Variants in MYT1L observed in about 807,000 individuals in gnomAD.
MYT1L encodes the protein myelin transcription factor 1 like.
In MYT1L, 12 loss-of-function variants were observed where a neutral mutation model predicts 126.7. That is an observed-to-expected ratio of 0.09 (90% CI 0.06 to 0.15). The LOEUF (loss-of-function observed/expected upper bound fraction) is 0.15. Among genes scored for constraint, MYT1L ranks in the 10% least tolerant of loss-of-function variants. The probability of loss-of-function intolerance (pLI) is 1.00; values close to 1 mark genes in which losing one functional copy is unlikely to be tolerated. For missense variants in MYT1L, 979 were observed against 1,585.2 expected, an observed-to-expected ratio of 0.62 and a Z score of 6.49; for synonymous variants, 541 against 604.2, an observed-to-expected ratio of 0.90 and a Z score of 1.53.
chr2:2,209,218 G>A (rs927957554), intron 2 of MYT1L, among the ~76,000 whole-genome samples: 5 of 152,190 alleles, frequency 3.3e-5, no homozygotes, highest in South Asian at 4.1e-4. Context: ...GGTCTCCATC[G>A]CCTCAAGCAT....
chr2:1,806,302 T>A lies in MYT1L; in HGVS notation c.3172+2774A>T, dbSNP rs1413583921. On this transcript the variant is annotated intron_variant, in intron 22 of 24. Coordinates refer to ENST00000647738, the MANE Select transcript of MYT1L (RefSeq NM_001303052.2). The surrounding 1 kb of genome is among the most constrained non-coding windows in gnomAD (Gnocchi z 4.9). ...CCAGTGACCTGCAGCTCCTCTTTTT[T>A]ACCCATGGACGTGCGTGCATTAGGA... 6.6e-6 allele frequency among the ~76,000 whole-genome samples: 1 copy of A among 152,210 alleles called. No homozygotes were observed. The highest frequency in any genetic ancestry group is 1.5e-5 in the Non-Finnish European group (1 of 68,036).
At chr2:2,270,940 G>A (rs1445239261) in intron 2 of MYT1L, among the ~76,000 whole-genome samples, 1 of 152,032 alleles carries the variant, frequency 6.6e-6, no homozygotes, top group Non-Finnish European at 1.5e-5. Context: ...TCATGTTGTC[G>A]AGTTTATTAT....
rs913208512 is a variant in MYT1L at position 1,792,408 on chromosome 2, C to T, written c.3333G>A (p.Glu1111=). ...CGTGGAGGAGAGACTCGTTCTGCTG[C>T]TCAATCACTTTGTTCTCCTCTTCGA... The part of the protein sequence containing the change: ...KTIEEENKVI[E]QQNESLLHEL... The change falls in exon 24 of 25, where the codon GAG becomes GAA. Residue 1111 remains glutamate, a synonymous_variant. Transcript: ENST00000647738. 1 of 1,613,578 alleles carries T rather than the reference C, an allele frequency of 6.2e-7. No homozygotes were observed. The highest frequency in any genetic ancestry group is 1.3e-5 in the African/African-American group (1 of 74,928).
chr2:1,918,256 T>C (rs1261875854), intron 10 of MYT1L, among the ~76,000 whole-genome samples: 3 of 152,216 alleles, frequency 2.0e-5, no homozygotes, highest in East Asian at 3.8e-4. Context: ...TTCATAAATA[T>C]GCAATATAAT....
At chr2:2,005,464 AT>A (rs1161531381) in intron 4 of MYT1L, among the ~76,000 whole-genome samples, 8 of 133,474 alleles carry the variant, frequency 6.0e-5, no homozygotes, top group Non-Finnish European at 1.3e-4. Context: ...TCTTTCCTGC[AT>A]GTGTTCTTTC....
At chr2:2,202,835 A>C (rs2148837465) in intron 2 of MYT1L, among the ~76,000 whole-genome samples, 1 of 152,294 alleles carries the variant, frequency 6.6e-6, no homozygotes, top group East Asian at 1.9e-4. Flanking sequence ...AGAATTTTAG[A>C]CCAATATCCT....
intron 2 of MYT1L, among the ~76,000 whole-genome samples, chr2:2,256,508 A>C (rs534115190): frequency 6.6e-6 from 1 of 152,230 alleles, no homozygotes; most frequent in Admixed American, 6.5e-5. Flanking sequence ...ATCTGGCTCT[A>C]AGGTCAAACA....
At position 2,183,709 on chromosome 2, in the gene MYT1L, G is replaced by GA. The variant is rs528510666; in HGVS notation, c.-420-10722dup. Among the ~76,000 whole-genome samples, 493 of 149,204 alleles carry GA rather than the reference G, an allele frequency of 3.3e-3. 1 individual carries two copies. The highest frequency in any genetic ancestry group is 0.012 in the African/African-American group (481 of 40,434). ...GTAGTTTCTTGCAAACTATATACTA[G>GA]AAAAAATACTTTGGAGATATAACTA... On this transcript the variant is annotated intron_variant, in intron 2 of 24. Coordinates refer to ENST00000647738, the MANE Select transcript of MYT1L (RefSeq NM_001303052.2).
chr2:2,160,832 A>AGAAG (rs1044865664), intron 3 of MYT1L, among the ~76,000 whole-genome samples: 17 of 152,136 alleles, frequency 1.1e-4, no homozygotes, highest in Admixed American at 7.9e-4. Context: ...AGCAGGGAGG[A>AGAAG]GAAGGAAGGA....
chr2:2,183,149 G>A (rs909839807), intron 2 of MYT1L, among the ~76,000 whole-genome samples: 1 of 152,176 alleles, frequency 6.6e-6, no homozygotes, highest in Non-Finnish European at 1.5e-5. Context: ...TGTTTGGATG[G>A]TAAGTCCTGG....
Position 1,888,904 on chromosome 2 carries a change from C to T in MYT1L, c.2520+337G>A, listed in dbSNP as rs116636047. Among the ~76,000 whole-genome samples, 963 of 152,274 alleles carry T rather than the reference C, an allele frequency of 6.3e-3. 7 individuals carry two copies. The highest frequency in any genetic ancestry group is 0.017 in the Middle Eastern group (5 of 294). ...GACTCCTATTAGAATTCTCTACCTG[C>T]AAGGAAAATCCTGTATTGTTTCAAC... On this transcript the variant is annotated intron_variant, in intron 16 of 24. Coordinates refer to ENST00000647738, the MANE Select transcript of MYT1L (RefSeq NM_001303052.2).
chr2:2,042,483 GC>G lies in MYT1L; in HGVS notation c.-158+11494del, dbSNP rs151089595. 8.4e-3 allele frequency among the ~76,000 whole-genome samples: 1,276 copies of G among 152,234 alleles called. 18 individuals carry two copies. Among genetic ancestry groups the G allele is most frequent in the African/African-American group, 0.026 (1,064 of 41,532 alleles). On this transcript the variant is annotated intron_variant, in intron 4 of 24. Transcript: ENST00000647738. ...TTATTTCCATGCTCAAAGTCGCAAT[GC>G]TATGTGTATTAAATTCAGTCACACT...
At chr2:1,991,033 T>G (rs970446546) in intron 5 of MYT1L, among the ~76,000 whole-genome samples, 1 of 152,172 alleles carries the variant, frequency 6.6e-6, no homozygotes, top group African/African-American at 2.4e-5. Context: ...ACTTCCCATC[T>G]TGTCCCCTCT....
chr2:1,860,309 T>C (rs1223949451), intron 18 of MYT1L, among the ~76,000 whole-genome samples: 5 of 150,928 alleles, frequency 3.3e-5, no homozygotes, highest in East Asian at 2.0e-4. Context: ...GGAGGACCCA[T>C]GCAAAAAAAA....
At chr2:2,197,768 GA>G (rs1419487410) in intron 2 of MYT1L, among the ~76,000 whole-genome samples, 3 of 133,150 alleles carry the variant, frequency 2.3e-5, no homozygotes, top group Non-Finnish European at 4.7e-5. Context: ...CACACACAAT[GA>G]ATGTGTAGAG....
chr2:2,243,392 C>T (rs926484024), intron 2 of MYT1L, among the ~76,000 whole-genome samples: 2 of 152,150 alleles, frequency 1.3e-5, no homozygotes, highest in Non-Finnish European at 2.9e-5. Flanking sequence ...TTATTTACAT[C>T]GGACTATACC....
In MYT1L at chr2:1,922,547, G is replaced by A. The variant is rs754142379; in HGVS notation, c.1222C>T (p.Arg408Trp). ...SCAKEDGCHE[R>W]DDDTTSVNSD... ...TTCACAGAGGTGGTATCGTCGTCCC[G>A]CTCATGACACCCATCCTCCTTCGCA... Residue 408 changes from arginine (R) to tryptophan (W), a missense_variant, in exon 10 of 25, where the codon CGG (arginine) becomes TGG (tryptophan). Arg to Trp is a moderately radical substitution (Grantham distance 101). Coordinates refer to ENST00000647738, the MANE Select transcript of MYT1L (RefSeq NM_001303052.2). The surrounding 1 kb of genome is among the most constrained non-coding windows in gnomAD (Gnocchi z 7.4). 4 of 1,613,926 alleles carry A rather than the reference G, an allele frequency of 2.5e-6. No individual in the cohort carries two copies. The highest frequency in any genetic ancestry group is 2.2e-5 in the East Asian group (1 of 44,872).
chr2:2,069,985 T>A (rs551998431), intron 3 of MYT1L, among the ~76,000 whole-genome samples: 1 of 151,472 alleles, frequency 6.6e-6, no homozygotes, highest in Non-Finnish European at 1.5e-5. Context: ...AACAAACATA[T>A]GAAAAAAAGC....
intron 21 of MYT1L, among the ~76,000 whole-genome samples, chr2:1,834,825 TG>T (rs2040629458): frequency 6.6e-6 from 1 of 151,068 alleles, no homozygotes; most frequent in South Asian, 2.1e-4. Flanking sequence ...ACCACGGGGA[TG>T]GATACAGGTA....
Sources: allele counts gnomAD v4.1 joint callset (sites outside exome capture counted in the v4.1 genomes callset), GRCh38; gene constraint gnomAD v4.1.1; non-coding constraint Gnocchi (gnomAD v3.1); transcripts MANE v1.5; gene names NCBI Gene and HGNC (gene_info 2026-07-23, HGNC 2026-07-21).